The following MYO16 variants were observed in gnomAD, a reference collection of about 807,000 sequenced individuals.
MYO16 encodes myosin XVI.
A neutral mutation model predicts 205.3 loss-of-function variants in MYO16; 94 were observed. The observed-to-expected ratio is 0.46, with a 90% CI of 0.39 to 0.54. The LOEUF (loss-of-function observed/expected upper bound fraction) is 0.54, where lower values mean the gene tolerates loss of function less well. MYO16 is among the 20% of genes least tolerant of loss of function. The pLI, the probability that MYO16 is intolerant of heterozygous loss-of-function variation, is 0.00. For synonymous variants in MYO16, 988 were observed against 954.0 expected, an observed-to-expected ratio of 1.04 and a Z score of -0.66; for missense variants, 2,315 against 2,387.5, an observed-to-expected ratio of 0.97 and a Z score of 0.63.
intron 27 of MYO16, among the ~76,000 whole-genome samples, chr13:109,088,969 C>T (rs939954055): frequency 1.3e-5 from 2 of 152,118 alleles, no homozygotes; most frequent in Admixed American, 6.5e-5. Context: ...GAAACTGAGT[C>T]CCGTTTCAGA....
At chr13:109,046,018 C>A (rs1470422486) in intron 23 of MYO16, among the ~76,000 whole-genome samples, 1 of 151,428 alleles carries the variant, frequency 6.6e-6, no homozygotes, top group Non-Finnish European at 1.5e-5. Flanking sequence ...CTCGCCCTCC[C>A]TCATGGCGGA....
chr13:108,938,952 G>A (rs903414953), intron 16 of MYO16, among the ~76,000 whole-genome samples: 3 of 152,204 alleles, frequency 2.0e-5, no homozygotes, highest in Non-Finnish European at 4.4e-5. Context: ...AAGACTCACC[G>A]CTCAGGAGAA....
At chr13:108,552,419 C>G in the MYO16 span, among the ~76,000 whole-genome samples, 1 of 152,078 alleles carries the variant, frequency 6.6e-6, no homozygotes, top group South Asian at 2.1e-4. Context: ...TCCGTCTCTC[C>G]TTGGCATGTC....
intron 31 of MYO16, among the ~76,000 whole-genome samples, chr13:109,130,666 A>T (rs1250968144): frequency 6.6e-6 from 1 of 152,174 alleles, no homozygotes; most frequent in Non-Finnish European, 1.5e-5. Flanking sequence ...CACACGTGAT[A>T]AGCCAGCTGT....
chr13:108,814,684 G>A (rs896633783), intron 7 of MYO16, among the ~76,000 whole-genome samples: 24 of 151,942 alleles, frequency 1.6e-4, no homozygotes, highest in Non-Finnish European at 3.4e-4. Context: ...AATAATTTGT[G>A]TTCTGCAAAA....
At chr13:108,844,880 T>C (rs1333773535) in intron 10 of MYO16, among the ~76,000 whole-genome samples, 1 of 152,182 alleles carries the variant, frequency 6.6e-6, no homozygotes, top group Non-Finnish European at 1.5e-5. Context: ...GAATCATTTA[T>C]TCTTAAAAGT....
intron 1 of MYO16, among the ~76,000 whole-genome samples, chr13:108,605,306 A>G (rs1878911524): frequency 6.6e-6 from 1 of 152,140 alleles, no homozygotes; most frequent in Non-Finnish European, 1.5e-5. Flanking sequence ...TCTTACAGGA[A>G]TACTCATCAT....
intron 15 of MYO16, among the ~76,000 whole-genome samples, chr13:108,900,170 G>C (rs566685004): frequency 5.0e-4 from 76 of 151,880 alleles, no homozygotes; most frequent in Admixed American, 1.2e-3. Context: ...GAGTTTAGAG[G>C]GTCCTTTTCT....
intron 1 of MYO16, among the ~76,000 whole-genome samples, chr13:108,639,368 A>G (rs1275995345): frequency 3.9e-5 from 6 of 152,196 alleles, no homozygotes. Flanking sequence ...TATCCTACGT[A>G]GGGTAATTAT....
chr13:108,806,622 A>G, intron 6 of MYO16, 57 bp from the exon 7 acceptor site: 1 of 1,508,532 alleles, frequency 6.6e-7, no homozygotes, highest in Admixed American at 1.7e-5. Flanking sequence ...CACTGAGTGA[A>G]CTGCATGAAT....
intron 13 of MYO16, 75 bp downstream of exon 13, chr13:108,883,261 T>C: frequency 6.5e-7 from 1 of 1,529,970 alleles, no homozygotes; most frequent in South Asian, 1.2e-5. Context: ...ACTCATTTCC[T>C]ATGGTTTACC....
chr13:108,634,018 A>AC (rs1040661268), intron 1 of MYO16, among the ~76,000 whole-genome samples: 3 of 151,960 alleles, frequency 2.0e-5, no homozygotes, highest in Non-Finnish European at 2.9e-5. Flanking sequence ...CCAAGGTGGA[A>AC]CCCCCCTTTC....
At chr13:109,087,102 C>A (rs1247639939) in intron 27 of MYO16, among the ~76,000 whole-genome samples, 1 of 152,204 alleles carries the variant, frequency 6.6e-6, no homozygotes, top group South Asian at 2.1e-4. Context: ...CTTAATTCAA[C>A]CCTTGCCACA....
At chr13:108,880,575 A>C (rs982347521) in intron 12 of MYO16, among the ~76,000 whole-genome samples, 9 of 152,166 alleles carry the variant, frequency 5.9e-5, no homozygotes, top group African/African-American at 1.4e-4. Context: ...TCAGCTTTCT[A>C]CATATGGCTA....
chr13:108,563,427 ATTCT>A, the MYO16 span, among the ~76,000 whole-genome samples: 237 of 152,194 alleles, frequency 1.6e-3, 2 homozygotes, highest in African/African-American at 5.4e-3. Context: ...TGTCTTATTC[ATTCT>A]TTCTAACTAA....
chr13:108,886,850 T>C (rs1172153310), intron 13 of MYO16, among the ~76,000 whole-genome samples: 3 of 152,162 alleles, frequency 2.0e-5, no homozygotes, highest in East Asian at 1.9e-4. Context: ...AGTCCTGATA[T>C]ACAGAATGGA....
chr13:108,897,135 T>C (rs1037298149), intron 14 of MYO16, among the ~76,000 whole-genome samples: 1 of 152,188 alleles, frequency 6.6e-6, no homozygotes. Flanking sequence ...TAAGGTGTTA[T>C]TGTACTCCCT....
intron 29 of MYO16, among the ~76,000 whole-genome samples, chr13:109,124,716 A>C (rs2139769474): frequency 6.6e-6 from 1 of 152,316 alleles, no homozygotes; most frequent in Non-Finnish European, 1.5e-5. Context: ...CCAAAGACAA[A>C]CCCCATAAGC....
At chr13:109,037,852 GCA>G (rs1886764508) in intron 23 of MYO16, among the ~76,000 whole-genome samples, 1 of 152,176 alleles carries the variant, frequency 6.6e-6, no homozygotes, top group Non-Finnish European at 1.5e-5. Flanking sequence ...CAAGGCCAAT[GCA>G]CTTTTGACAA....
Sources: gnomAD v4.1 joint callset for allele counts (sites outside exome capture counted in the v4.1 genomes callset) on GRCh38, gnomAD v4.1.1 for gene constraint, MANE v1.5 for transcripts, NCBI Gene and HGNC (gene_info 2026-07-23, HGNC 2026-07-21) for gene names.